Variants in ABCB5 observed in about 807,000 individuals in gnomAD.
ABCB5 encodes ATP binding cassette subfamily B member 5.
In ABCB5, 155 loss-of-function variants were observed where a neutral mutation model predicts 144.2. That is an observed-to-expected ratio of 1.08 (90% CI 0.94 to 1.23). The LOEUF (loss-of-function observed/expected upper bound fraction) is 1.23, where lower values mean the gene tolerates loss of function less well. ABCB5 is among the 50% of genes most tolerant of loss of function. The probability of loss-of-function intolerance (pLI) is 0.00; values close to 1 mark genes in which losing one functional copy is unlikely to be tolerated. For missense variants in ABCB5, 1,830 were observed against 1,520.8 expected, an observed-to-expected ratio of 1.20 and a Z score of -3.38; for synonymous variants, 610 against 528.6, an observed-to-expected ratio of 1.15 and a Z score of -2.11.
rs373158370 is a variant in ABCB5 at position 20,745,306 on chromosome 7, G to A, written c.3297G>A (p.Glu1099=). The change falls in exon 26 of 28, where the codon GAG becomes GAA. Residue 1099 remains glutamate (E), a synonymous_variant. Coordinates refer to ENST00000404938, the MANE Select transcript of ABCB5 (RefSeq NM_001163941.2). ...CCCAAATAGCAATCGTTCCTCAAGA[G>A]CCTGTGCTCTTCAACTGCAGCATTG... is the stretch of plus-strand genomic sequence containing the variant. ...LRSQIAIVPQ[E]PVLFNCSIAE... 1 of 1,614,070 alleles carries A rather than the reference G, an allele frequency of 6.2e-7. No individual in the cohort carries two copies. Among genetic ancestry groups the A allele is most frequent in the African/African-American group, 1.3e-5 (1 of 75,028 alleles).
Position 20,623,279 on chromosome 7 carries a change from A to T in ABCB5, c.-7A>T. On this transcript the variant is annotated 5_prime_UTR_variant, in exon 2 of 28. Coordinates refer to ENST00000404938, the MANE Select transcript of ABCB5 (RefSeq NM_001163941.2). ...TTGTATTTCAGAAGAAGTAAATTGT[A>T]AATAAGATGGAAAATTCAGAAAGAG... is the stretch of plus-strand genomic sequence containing the variant. 6.5e-7 allele frequency: 1 copy of T among 1,530,028 alleles called. No homozygotes were observed. The highest frequency in any genetic ancestry group is 8.9e-7 in the Non-Finnish European group (1 of 1,127,238). The allele number at this position is 1,530,028 out of a possible 1,614,324, so 94.8% of individuals were successfully genotyped here.
intron 23 of ABCB5, among the ~76,000 whole-genome samples, chr7:20,730,500 C>T (rs1015840752): frequency 1.3e-5 from 2 of 152,176 alleles, no homozygotes; most frequent in African/African-American, 4.8e-5. Flanking sequence ...CAGAGTGAGA[C>T]TCTGCCTCAA....
chr7:20,710,035 A>G (rs981097321), intron 20 of ABCB5, among the ~76,000 whole-genome samples: 1 of 146,268 alleles, frequency 6.8e-6, no homozygotes, highest in African/African-American at 2.6e-5. Flanking sequence ...ACTGCACTCC[A>G]TCCTGGGCGA....
rs1251944185 is a variant in ABCB5, at chr7:20,648,021, A to G, written c.1149A>G (p.Glu383=). Residue 383 remains glutamate, a synonymous_variant, in exon 11 of 28, where the codon GAA becomes GAG. Transcript: ENST00000404938. The part of the protein sequence containing the change: ...STAGYKPESI[E]GTVEFKNVSF... Reference sequence around the variant, plus strand: ...CTGGATATAAACCTGAATCCATAGAAGGAACTGTGGAATTTAAAAATGTTT... The same window carrying G: ...CTGGATATAAACCTGAATCCATAGAGGGAACTGTGGAATTTAAAAATGTTT... The G allele has an allele frequency of 8.1e-6, 13 of 1,612,258 alleles. No individual in the cohort carries two copies. The highest frequency in any genetic ancestry group is 1.3e-5 in the African/African-American group (1 of 74,898).
chr7:20,631,116 A>G (rs1367161909), intron 4 of ABCB5, among the ~76,000 whole-genome samples: 1 of 152,150 alleles, frequency 6.6e-6, no homozygotes, highest in Non-Finnish European at 1.5e-5. Flanking sequence ...TTTTTGTGTG[A>G]GTCCTGAACT....
At chr7:20,694,349 TA>T (rs1272978040) in intron 16 of ABCB5, among the ~76,000 whole-genome samples, 2 of 151,850 alleles carry the variant, frequency 1.3e-5, no homozygotes, top group African/African-American at 4.8e-5. Context: ...TTCTCCTAAT[TA>T]AAAAAATTAA....
In ABCB5 at chr7:20,724,499, C is replaced by T. The variant is rs955186485; in HGVS notation, c.2625+1280C>T. Reference sequence around the variant, plus strand: ...AAAAAGTTAGCCGGGTATGGTGGTGCGTGCCTGTAATCCCAGTTACTTGGG... The same window carrying T: ...AAAAAGTTAGCCGGGTATGGTGGTGTGTGCCTGTAATCCCAGTTACTTGGG... On this transcript the variant is annotated intron_variant, in intron 21 of 27. Coordinates refer to ENST00000404938, the MANE Select transcript of ABCB5 (RefSeq NM_001163941.2). Among the ~76,000 whole-genome samples the T allele has an allele frequency of 5.3e-5, 8 of 151,866 alleles. No homozygotes were observed. In the South Asian group the frequency reaches 1.0e-3, roughly 20 times the overall value.
chr7:20,639,011 C>T (rs1784225959), intron 5 of ABCB5, among the ~76,000 whole-genome samples: 1 of 150,892 alleles, frequency 6.6e-6, no homozygotes, highest in Admixed American at 6.6e-5. Flanking sequence ...TCCATGTCCT[C>T]ATCAACACTT....
chr7:20,696,726 G>T (rs966275710), intron 16 of ABCB5, among the ~76,000 whole-genome samples: 1 of 151,758 alleles, frequency 6.6e-6, no homozygotes, highest in Admixed American at 6.6e-5. Flanking sequence ...TTATTTTAAC[G>T]CATGTACAAC....
intron 14 of ABCB5, among the ~76,000 whole-genome samples, chr7:20,678,158 G>A (rs1334713285): frequency 1.3e-5 from 2 of 152,044 alleles, no homozygotes; most frequent in Non-Finnish European, 2.9e-5. Flanking sequence ...CTTTTTTATG[G>A]GAAATTTTTT....
At position 20,685,672 on chromosome 7, in the gene ABCB5, T is replaced by C. The variant is rs199960027; in HGVS notation, c.1870-24T>C. 7.3e-4 allele frequency: 1,136 copies of C among 1,562,002 alleles called. 1 individual carries two copies. The highest frequency in any genetic ancestry group is 9.3e-4 in the Non-Finnish European group (1,067 of 1,152,680). On this transcript the variant is annotated intron_variant, in intron 15 of 27. Transcript: ENST00000404938. ...AATTTTTAAGGCATTCTTATAATGATAACCTATATATTCTTCCTGTAAGGA... is the reference window on the plus strand; with the variant it reads ...AATTTTTAAGGCATTCTTATAATGACAACCTATATATTCTTCCTGTAAGGA...
chr7:20,743,183 A>G (rs1259516329), intron 25 of ABCB5, 109 bp downstream of exon 25: 1 of 1,178,468 alleles, frequency 8.5e-7, no homozygotes, highest in African/African-American at 1.6e-5. Flanking sequence ...ACAATGCAGA[A>G]GTTAAAAAGA....
chr7:20,704,522 G>A (rs1470800343), intron 19 of ABCB5, among the ~76,000 whole-genome samples: 3 of 152,014 alleles, frequency 2.0e-5, no homozygotes, highest in Non-Finnish European at 2.9e-5. Context: ...AAGCTCTTGG[G>A]CTTAAGTTCT....
At position 20,628,679 on chromosome 7, in the gene ABCB5, T is replaced by C. The variant is rs375613984; in HGVS notation, c.109-9T>C. 5.6e-6 allele frequency: 9 copies of C among 1,610,736 alleles called. No individual in the cohort carries two copies. Among genetic ancestry groups the C allele is most frequent in the Non-Finnish European group, 7.6e-6 (9 of 1,178,344 alleles). On this transcript the variant is annotated splice_polypyrimidine_tract_variant and intron_variant, in intron 3 of 27. Transcript: ENST00000404938. ...CAGTTGTGGTGCTACCGTGCTTTGT[T>C]TTCCTCAGTTCCGCTTTGCTGATGG...
At chr7:20,737,288 C>T (rs1053822567) in intron 23 of ABCB5, among the ~76,000 whole-genome samples, 9 of 152,136 alleles carry the variant, frequency 5.9e-5, no homozygotes, top group African/African-American at 1.9e-4. Flanking sequence ...ATCCCACTTA[C>T]GTTTCTCTCA....
chr7:20,719,167 A>C (rs1781780834), intron 20 of ABCB5, among the ~76,000 whole-genome samples: 1 of 152,148 alleles, frequency 6.6e-6, no homozygotes, highest in Non-Finnish European at 1.5e-5. Context: ...TCCTGTTTTC[A>C]TGATCAGAGC....
chr7:20,664,918 G>C (rs1785124293), intron 14 of ABCB5, among the ~76,000 whole-genome samples: 1 of 152,104 alleles, frequency 6.6e-6, no homozygotes, highest in African/African-American at 2.4e-5. Flanking sequence ...GCAAGACCTT[G>C]TCTGTAAATA....
intron 14 of ABCB5, among the ~76,000 whole-genome samples, chr7:20,666,448 G>T (rs940048417): frequency 6.6e-6 from 1 of 152,166 alleles, no homozygotes; most frequent in African/African-American, 2.4e-5. Context: ...CTATGTTTAC[G>T]GCAAGTCCCA....
intron 16 of ABCB5, among the ~76,000 whole-genome samples, chr7:20,694,175 A>G (rs187181873): frequency 4.6e-5 from 7 of 152,040 alleles, no homozygotes; most frequent in African/African-American, 1.4e-4. Flanking sequence ...ATTACAAAAA[A>G]AATAAAATTA....
Sources: allele counts gnomAD v4.1 joint callset (sites outside exome capture counted in the v4.1 genomes callset), GRCh38; gene constraint gnomAD v4.1.1; transcripts MANE v1.5; gene names NCBI Gene and HGNC (gene_info 2026-07-23, HGNC 2026-07-21).